ZMYM1: variants seen among roughly 807,000 people sequenced by gnomAD.
ZMYM1 encodes the protein zinc finger MYM-type protein 1.
In ZMYM1, 39 loss-of-function variants were observed where a neutral mutation model predicts 60.0. The observed-to-expected ratio is 0.65, with a 90% CI of 0.50 to 0.85. ZMYM1 has a LOEUF of 0.85. ZMYM1 is among the 40% of genes least tolerant of loss of function. The pLI is 0.00. For synonymous variants in ZMYM1, 413 were observed against 454.0 expected, an observed-to-expected ratio of 0.91 and a Z score of 1.15; for missense variants, 1,171 against 1,309.5, an observed-to-expected ratio of 0.89 and a Z score of 1.63.
chr1:35,084,036 A>G (rs1000158729), intron 1 of ZMYM1, among the ~76,000 whole-genome samples: 5 of 152,218 alleles, frequency 3.3e-5, no homozygotes, highest in Admixed American at 2.6e-4. Context: ...TAGGAATCCC[A>G]CATGGCACAT....
chr1:35,113,792 C>G lies in ZMYM1; in HGVS notation c.1962C>G (p.Ala654=), dbSNP rs1480772938. The part of the protein sequence containing the change: ...SIICDETINS[A]MKEQLSICVR... ...TATGTGATGAGACAATCAATAGTGC[C>G]ATGAAAGAACAGCTTTCAATTTGTG... Residue 654 remains alanine, a synonymous_variant, in exon 10 of 10, where the codon GCC becomes GCG. Coordinates refer to ENST00000359858, the MANE Select transcript of ZMYM1 (RefSeq NM_024772.5). 3.1e-6 allele frequency: 5 copies of G among 1,613,726 alleles called. No individual in the cohort carries two copies. The African/African-American group carries it at 6.7e-5, about 22-fold the overall frequency.
intron 1 of ZMYM1, among the ~76,000 whole-genome samples, chr1:35,080,430 C>T (rs749880886): frequency 9.6e-4 from 146 of 151,810 alleles, no homozygotes; most frequent in Non-Finnish European, 1.8e-3. Context: ...GATCCTCCCA[C>T]CTCAGGTTCC....
chr1:35,099,372 C>G (rs1175772441), intron 4 of ZMYM1, among the ~76,000 whole-genome samples: 1 of 152,154 alleles, frequency 6.6e-6, no homozygotes, highest in Non-Finnish European at 1.5e-5. Context: ...TGGAAGGGAC[C>G]TTAGAGACTC....
intron 9 of ZMYM1, 82 bp downstream of exon 9, chr1:35,112,212 C>T (rs1644112761): frequency 1.4e-6 from 2 of 1,422,346 alleles, no homozygotes; most frequent in African/African-American, 1.4e-5. Context: ...GAGTCTCGCT[C>T]TGCCACCCAA....
chr1:35,102,594 G>A (rs746392695), intron 4 of ZMYM1, among the ~76,000 whole-genome samples: 39 of 152,088 alleles, frequency 2.6e-4, no homozygotes, highest in Non-Finnish European at 3.7e-4. Context: ...AAATACTGTC[G>A]TTTTACTTGA....
chr1:35,070,574 T>C, intron 1 of ZMYM1, among the ~76,000 whole-genome samples: 1 of 152,154 alleles, frequency 6.6e-6, no homozygotes, highest in East Asian at 1.9e-4. Context: ...ACTTCCTCCT[T>C]TCCAATTTAG....
chr1:35,084,239 GTT>G (rs1174921039), intron 1 of ZMYM1, among the ~76,000 whole-genome samples: 1 of 144,278 alleles, frequency 6.9e-6, no homozygotes, highest in Non-Finnish European at 1.5e-5. Flanking sequence ...TCTTTCCTCT[GTT>G]TTCTCAAACA....
At chr1:35,060,567 AAGTC>A (rs928613886) in intron 1 of ZMYM1, among the ~76,000 whole-genome samples, 12 of 152,236 alleles carry the variant, frequency 7.9e-5, no homozygotes, top group African/African-American at 2.9e-4. Flanking sequence ...CCTCTGAACT[AAGTC>A]AGAGGGCAAA....
At chr1:35,117,283 A>C (rs1644259185), downstream of ZMYM1, among the ~76,000 whole-genome samples, 1 of 151,972 alleles carries the variant, frequency 6.6e-6, no homozygotes, top group African/African-American at 2.4e-5. Flanking sequence ...AGTTGTAGAA[A>C]ATATTCTCAG....
At chr1:35,061,480 A>C (rs1641874273) in intron 1 of ZMYM1, among the ~76,000 whole-genome samples, 2 of 152,174 alleles carry the variant, frequency 1.3e-5, no homozygotes, top group Non-Finnish European at 2.9e-5. Context: ...AGATAGATAG[A>C]AATATAGACA....
chr1:35,080,721 C>T (rs1422539804), intron 1 of ZMYM1, among the ~76,000 whole-genome samples: 3 of 151,794 alleles, frequency 2.0e-5, no homozygotes, highest in Non-Finnish European at 4.4e-5. Flanking sequence ...GAAGACTGAC[C>T]GTCTTCTTTT....
At position 35,068,324 on chromosome 1, in the gene ZMYM1, C is replaced by T. The variant is rs574889719; in HGVS notation, c.-301+8399C>T. Among the ~76,000 whole-genome samples, 10 of 147,690 alleles carry T rather than the reference C, an allele frequency of 6.8e-5. No individual in the cohort carries two copies. In the East Asian group the frequency reaches 2.0e-3, roughly 30 times the overall value. On this transcript the variant is annotated intron_variant, in intron 1 of 10. Transcript: ENST00000417119. ...GTCCCAGCTACTCAGGAGGCTGAGA[C>T]ACAAGAATTGCTTGAACCCGGGAGG...
At position 35,114,922 on chromosome 1, in the gene ZMYM1, G is replaced by C. The variant is rs755186491; in HGVS notation, c.3092G>C (p.Arg1031Pro). 1 of 1,612,500 alleles carries C rather than the reference G, an allele frequency of 6.2e-7. No homozygotes were observed. The highest frequency in any genetic ancestry group is 8.5e-7 in the Non-Finnish European group (1 of 1,178,802). ...EDIIPELRFY[R>P]HYAKLNFVID... The stretch of plus-strand genomic sequence containing the variant: ...ATTATCCCAGAACTTAGATTTTATC[G>C]ACATTATGCAAAGCTTAACTTTGTC... The change falls in exon 10 of 10, where the codon CGA becomes CCA. Residue 1031 changes from arginine to proline, a missense_variant. Coordinates refer to ENST00000359858, the MANE Select transcript of ZMYM1 (RefSeq NM_024772.5).
intron 2 of ZMYM1, 90 bp from the exon 3 acceptor site, chr1:35,095,729 A>G (rs530139981): frequency 9.0e-7 from 1 of 1,114,498 alleles, no homozygotes; most frequent in African/African-American, 1.6e-5. Flanking sequence ...ACCAGACTTG[A>G]CCACAATTTA....
intron 1 of ZMYM1, among the ~76,000 whole-genome samples, chr1:35,080,734 C>A (rs941143700): frequency 6.6e-6 from 1 of 151,584 alleles, no homozygotes; most frequent in Non-Finnish European, 1.5e-5. Context: ...CTTCTTTTTT[C>A]ATTTCTTCTC....
intron 2 of ZMYM1, 45 bp downstream of exon 2, chr1:35,094,128 A>T: frequency 3.9e-6 from 6 of 1,536,036 alleles, no homozygotes; most frequent in Non-Finnish European, 5.3e-6. Context: ...GCAGCATTTA[A>T]CTATAAATTT....
At chr1:35,093,409 G>A (rs61746538) in intron 1 of ZMYM1, 2,136 of 152,222 alleles carry the variant, frequency 0.014, 57 homozygotes, top group African/African-American at 0.048. Context: ...AGCGATTCTC[G>A]TGCCTCAGCC....
chr1:35,111,063 G>A (rs79732070), intron 7 of ZMYM1, among the ~76,000 whole-genome samples: 4,724 of 152,156 alleles, frequency 0.031, 258 homozygotes, highest in African/African-American at 0.11. Context: ...GAGGCACTTG[G>A]TCAATATAGA....
At position 35,083,412 on chromosome 1, in the gene ZMYM1, G is replaced by A. The variant is rs183960100; in HGVS notation, c.-75+3970G>A. On this transcript the variant is annotated intron_variant, in intron 1 of 9. Coordinates refer to ENST00000359858, the MANE Select transcript of ZMYM1 (RefSeq NM_024772.5). The stretch of plus-strand genomic sequence containing the variant: ...AGCAGTCCTCTGTCCTCTACCTCCC[G>A]ACATGTTCAAATTGCAAGTGTGAAT... 4.7e-4 allele frequency among the ~76,000 whole-genome samples: 72 copies of A among 151,972 alleles called. 1 individual carries two copies. The highest frequency in any genetic ancestry group is 1.5e-3 in the African/African-American group (64 of 41,464).
Sources: gnomAD v4.1 joint callset for allele counts (sites outside exome capture counted in the v4.1 genomes callset) on GRCh38, gnomAD v4.1.1 for gene constraint, MANE v1.5 for transcripts, NCBI Gene and HGNC (gene_info 2026-07-23, HGNC 2026-07-21) for gene names.